MVK: variants seen among roughly 807,000 people sequenced by gnomAD.
MVK encodes mevalonate kinase, also known as LH receptor mRNA-binding protein.
Under a neutral mutation model 43.2 loss-of-function variants are expected in MVK, and 34 were observed. That is an observed-to-expected ratio of 0.79 (90% CI 0.60 to 1.05). The LOEUF is 1.05. Ranked by LOEUF, MVK falls within the 50% of genes least tolerant of loss-of-function variation. The pLI, the probability that MVK is intolerant of heterozygous loss-of-function variation, is 0.00. For missense variants in MVK, 395 were observed against 504.0 expected (o/e 0.78, Z 2.07); for synonymous variants, 190 against 219.8 (o/e 0.86, Z 1.20).
At chr12:109,587,235 A>G (rs967633816) in intron 7 of MVK, 3 of 251,772 alleles carry the variant, frequency 1.2e-5, no homozygotes, top group Admixed American at 4.6e-5. Flanking sequence ...CCGCCACAGG[A>G]CAATGTGAGA....
In MVK at chr12:109,587,929, C is replaced by G. The variant is rs72648015; in HGVS notation, c.677+1130C>G. ...CCTACCCACTAGATGCCAGTAGCAC[C>G]CTCAGCGTGGCAATCAAAAACATCT... On this transcript the variant is annotated intron_variant, in intron 7 of 10. Coordinates refer to ENST00000228510, the MANE Select transcript of MVK (RefSeq NM_000431.4). The G allele has an allele frequency of 6.6e-4, 100 of 152,454 alleles. 1 individual carries two copies. The highest frequency in any genetic ancestry group is 2.6e-4 in the Non-Finnish European group (18 of 68,116). The allele number at this position is 152,454 out of a possible 1,614,324, so 9.4% of individuals were successfully genotyped here. A position where few individuals can be genotyped will look rare whatever the true frequency, so the allele number is the denominator to read the frequency against.
In MVK at chr12:109,591,334, C is replaced by T. The variant is rs1034395198; in HGVS notation, c.862C>T (p.Pro288Ser). 6.2e-6 allele frequency: 10 copies of T among 1,614,206 alleles called. No individual in the cohort carries two copies. The East Asian group carries it at 2.0e-4, about 32-fold the overall frequency. ...GGGAGAGATGGGGGAAGCCCCAGCC[C>T]CGGAGCAGTACCTCGTGCTGGAAGT... Reference protein sequence around the residue: ...VLGEMGEAPAPEQYLVLEELI... With the variant: ...VLGEMGEAPASEQYLVLEELI... Residue 288 changes from proline (P) to serine (S), a missense_variant, in exon 9 of 11, where the codon CCG becomes TCG. Transcript: ENST00000228510.
intron 10 of MVK, 65 bp from the exon 11 acceptor site, chr12:109,596,361 A>C (rs1168888192): frequency 6.4e-7 from 1 of 1,569,414 alleles, no homozygotes; most frequent in Non-Finnish European, 8.6e-7. Flanking sequence ...TTTTGCCTTG[A>C]ATATGATGAG....
chr12:109,595,321 C>G lies in MVK; in HGVS notation c.1039+140C>G. On this transcript the variant is annotated intron_variant, in intron 10 of 10. Transcript: ENST00000228510. This position sits in a 1 kb window ranked among gnomAD's most constrained non-coding sequence, Gnocchi z 5.9. ...TGGCCTTGGGCAAGTTAGTTAACCT[C>G]TGGTCTTTGCTTCCTCATTGGTAAA... 9.7e-7 allele frequency: 1 copy of G among 1,027,488 alleles called. No homozygotes were observed. Among genetic ancestry groups the G allele is most frequent in the Non-Finnish European group, 1.4e-6 (1 of 718,422 alleles). The allele number at this position is 1,027,488 out of a possible 1,614,324, so 63.6% of individuals were successfully genotyped here.
At chr12:109,581,632 C>A in intron 5 of MVK, 82 bp downstream of exon 5, 1 of 1,580,192 alleles carries the variant, frequency 6.3e-7, no homozygotes, top group Non-Finnish European at 8.7e-7. Flanking sequence ...ACCTCACCAC[C>A]TCCCTGTGAG....
intron 9 of MVK, among the ~76,000 whole-genome samples, chr12:109,592,613 C>G (rs187824855): frequency 2.0e-3 from 311 of 152,366 alleles, no homozygotes; most frequent in African/African-American, 7.1e-3. Context: ...GATCCTCACA[C>G]CCACCTCCCT....
chr12:109,591,155 T>A, intron 8 of MVK, 86 bp from the exon 9 acceptor site: 1 of 1,301,228 alleles, frequency 7.7e-7, no homozygotes, highest in South Asian at 1.2e-5. Context: ...TGTGAACACC[T>A]CCTCCCTCCA....
chr12:109,583,926 T>C (rs910626598), intron 5 of MVK, among the ~76,000 whole-genome samples: 1 of 152,228 alleles, frequency 6.6e-6, no homozygotes, highest in African/African-American at 2.4e-5. Context: ...CACAGGCACA[T>C]AGCAGTTGCT....
chr12:109,576,242 C>G (rs1884949060), intron 3 of MVK, 97 bp downstream of exon 3: 6 of 1,513,740 alleles, frequency 4.0e-6, no homozygotes, highest in Non-Finnish European at 5.4e-6. Context: ...CAGGGGCCAG[C>G]TATTTCCCGG....
At position 109,576,149 on chromosome 12, in the gene MVK, A is replaced by G. The variant is rs145732290; in HGVS notation, c.226+4A>G. 782 of 1,614,114 alleles carry G rather than the reference A, an allele frequency of 4.8e-4. 6 individuals are homozygous for G. The African/African-American group carries it at 9.8e-3, about 20-fold the overall frequency. ...TCACTGGACACAAGCTTTCTGGGTG[A>G]GTGCAAGGAGGAGAAACCAGGTGTG... is the stretch of plus-strand genomic sequence containing the variant. On this transcript the variant is annotated splice_donor_region_variant and intron_variant, in intron 3 of 10. Transcript: ENST00000228510.
rs3837524 is a variant in MVK at position 109,585,759 on chromosome 12, C to CA, written c.528-254dup. On this transcript the variant is annotated intron_variant, in intron 5 of 10. Transcript: ENST00000228510. ...TGGGTGACAGAGTGAGACTCCGTCT[C>CA]AAAAAAAAAGAAAAAAAAAGAGGCA... Among the ~76,000 whole-genome samples the CA allele has an allele frequency of 0.17, 25,598 of 148,184 alleles. 2,257 individuals are homozygous for CA. The highest frequency in any genetic ancestry group is 0.19 in the African/African-American group (7,813 of 40,260).
At chr12:109,573,458 C>T, upstream of MVK, 1 of 1,606,406 alleles carries the variant, frequency 6.2e-7, no homozygotes, top group Non-Finnish European at 8.5e-7. Flanking sequence ...GCCAAGACGG[C>T]TCCCCAGGCC....
rs373607251 is a variant in MVK, at chr12:109,586,810, G to A, written c.677+11G>A. 7 of 1,613,950 alleles carry A rather than the reference G, an allele frequency of 4.3e-6. 1 individual carries two copies. Among genetic ancestry groups the A allele is most frequent in the African/African-American group, 1.3e-5 (1 of 74,918 alleles). ...TTCATCCTTAAAGAGGTAACCTGGG[G>A]GTGGAGCAGCACATTCAGCCATGGC... is the stretch of plus-strand genomic sequence containing the variant. On this transcript the variant is annotated intron_variant, in intron 7 of 10. Transcript: ENST00000228510.
chr12:109,593,908 G>A (rs1168707321), intron 9 of MVK, among the ~76,000 whole-genome samples: 1 of 151,712 alleles, frequency 6.6e-6, no homozygotes, highest in East Asian at 1.9e-4. Flanking sequence ...AGTAGAGATG[G>A]GGTTTCGCCA....
At chr12:109,582,716 GT>G (rs1462977008) in intron 5 of MVK, among the ~76,000 whole-genome samples, 4 of 149,364 alleles carry the variant, frequency 2.7e-5, no homozygotes, top group African/African-American at 9.8e-5. Context: ...AAAACAAACT[GT>G]GTAGAGCAGG....
At chr12:109,596,330 G>A in intron 10 of MVK, 96 bp from the exon 11 acceptor site, 1 of 1,521,540 alleles carries the variant, frequency 6.6e-7, no homozygotes. Flanking sequence ...AGCCAGGAAG[G>A]CACAGCAGGA....
chr12:109,586,669 C>A, intron 6 of MVK, 85 bp from the exon 7 acceptor site: 1 of 1,504,398 alleles, frequency 6.6e-7, no homozygotes, highest in Non-Finnish European at 9.2e-7. Flanking sequence ...CAAAATGAAC[C>A]CAACCCAAAG....
Position 109,587,380 on chromosome 12 carries a change from T to G in MVK, c.677+581T>G, listed in dbSNP as rs144951505. 9.6e-4 allele frequency among the ~76,000 whole-genome samples: 146 copies of G among 152,364 alleles called. 1 individual carries two copies. Among genetic ancestry groups the G allele is most frequent in the African/African-American group, 3.4e-3 (140 of 41,574 alleles). ...TTCTGTGTCCCTCCCGCTGGAATCATTGGAATCACAAACGTGCATGTGCGA... is the reference window on the plus strand; with the variant it reads ...TTCTGTGTCCCTCCCGCTGGAATCAGTGGAATCACAAACGTGCATGTGCGA... On this transcript the variant is annotated intron_variant, in intron 7 of 10. Transcript: ENST00000228510.
chr12:109,593,735 T>TTG (rs1885788542), intron 9 of MVK, among the ~76,000 whole-genome samples: 1 of 150,032 alleles, frequency 6.7e-6, no homozygotes, highest in African/African-American at 2.5e-5. Context: ...TTTTTTTTTT[T>TTG]TTTGAGACAG....
Sources: gnomAD v4.1 joint callset for allele counts (sites outside exome capture counted in the v4.1 genomes callset) on GRCh38, gnomAD v4.1.1 for gene constraint, Gnocchi (gnomAD v3.1) non-coding constraint, MANE v1.5 for transcripts, NCBI Gene and HGNC (gene_info 2026-07-23, HGNC 2026-07-21) for gene names.